The following SUGCT variants were observed in gnomAD, a reference collection of about 807,000 sequenced individuals.
SUGCT encodes succinyl-CoA:glutarate CoA-transferase.
A neutral mutation model predicts 55.0 loss-of-function variants in SUGCT; 41 were observed. That is an observed-to-expected ratio of 0.74 (90% CI 0.58 to 0.97). The LOEUF is 0.97. Ranked by LOEUF, SUGCT falls within the 50% of genes least tolerant of loss-of-function variation. The pLI, the probability that SUGCT is intolerant of heterozygous loss-of-function variation, is 0.00. For missense variants in SUGCT, 568 were observed against 547.8 expected, an observed-to-expected ratio of 1.04 and a Z score of -0.37; for synonymous variants, 187 against 200.4, an observed-to-expected ratio of 0.93 and a Z score of 0.56.
chr7:40,734,266 T>G (rs1218603034), intron 12 of SUGCT, among the ~76,000 whole-genome samples: 1 of 152,230 alleles, frequency 6.6e-6, no homozygotes, highest in Non-Finnish European at 1.5e-5. Flanking sequence ...TTTTTTCTTA[T>G]GTCTGTGTTG....
intron 12 of SUGCT, among the ~76,000 whole-genome samples, chr7:40,675,727 C>T (rs900141657): frequency 6.6e-6 from 1 of 152,172 alleles, no homozygotes; most frequent in Non-Finnish European, 1.5e-5. Flanking sequence ...AACGGGGAGA[C>T]ATCCAATATG....
At chr7:40,285,117 T>C (rs1397678767) in intron 8 of SUGCT, among the ~76,000 whole-genome samples, 1 of 152,206 alleles carries the variant, frequency 6.6e-6, no homozygotes, top group Non-Finnish European at 1.5e-5. Context: ...AGAAATGTTT[T>C]ATGGTGATGT....
At chr7:40,234,735 C>A (rs1279718586) in intron 6 of SUGCT, among the ~76,000 whole-genome samples, 1 of 151,886 alleles carries the variant, frequency 6.6e-6, no homozygotes, top group African/African-American at 2.4e-5. Flanking sequence ...ATAGTGAAAT[C>A]CCATCCCTAC....
chr7:40,438,204 C>T (rs1415027479), intron 9 of SUGCT, among the ~76,000 whole-genome samples: 1 of 152,118 alleles, frequency 6.6e-6, no homozygotes, highest in Non-Finnish European at 1.5e-5. Flanking sequence ...CTTCTCAATT[C>T]CCCGCCTTCA....
At position 40,284,608 on chromosome 7, in the gene SUGCT, CA is replaced by C. The variant is rs35152488; in HGVS notation, c.720+9970del. Among the ~76,000 whole-genome samples the C allele has an allele frequency of 6.9e-3, 751 of 108,168 alleles. 2 individuals carry two copies. Among genetic ancestry groups the C allele is most frequent in the Non-Finnish European group, 8.7e-3 (440 of 50,790 alleles). 71.0% of individuals were successfully genotyped at this position (108,168 alleles called of 152,430 possible). A position where few individuals can be genotyped will look rare whatever the true frequency, so the allele number is the denominator to read the frequency against. ...GGATGACAGAGCAAGATTCCATTTC[CA>C]AAAAAAAAAAAAAAAAATGAGGTGA... On this transcript the variant is annotated intron_variant, in intron 8 of 13. Transcript: ENST00000335693.
the SUGCT span, among the ~76,000 whole-genome samples, chr7:40,976,921 G>T: frequency 6.6e-6 from 1 of 152,136 alleles, no homozygotes; most frequent in East Asian, 1.9e-4. Context: ...TCTTTCCTTG[G>T]TAGAAGGTAC....
chr7:40,325,123 C>T (rs980993308), intron 9 of SUGCT, among the ~76,000 whole-genome samples: 1 of 152,126 alleles, frequency 6.6e-6, no homozygotes, highest in African/African-American at 2.4e-5. Flanking sequence ...TGAAGATATG[C>T]AGTACTTTGC....
chr7:40,275,158 ACAT>A (rs1281314962), intron 8 of SUGCT, among the ~76,000 whole-genome samples: 1 of 152,192 alleles, frequency 6.6e-6, no homozygotes, highest in Non-Finnish European at 1.5e-5. Flanking sequence ...TGTAATGTAG[ACAT>A]CATTGTTGAA....
intron 9 of SUGCT, among the ~76,000 whole-genome samples, chr7:40,361,952 A>C (rs903373950): frequency 6.6e-6 from 1 of 152,060 alleles, no homozygotes; most frequent in Non-Finnish European, 1.5e-5. Context: ...AAATTTGAGA[A>C]GCACTGGCTT....
chr7:40,687,657 T>TA (rs941337492), intron 12 of SUGCT, among the ~76,000 whole-genome samples: 2 of 152,280 alleles, frequency 1.3e-5, no homozygotes, highest in South Asian at 2.1e-4. Context: ...ACAAACACCA[T>TA]ACCGTTATAG....
At chr7:40,525,250 T>TTA (rs1443274035) in intron 12 of SUGCT, among the ~76,000 whole-genome samples, 1 of 152,100 alleles carries the variant, frequency 6.6e-6, no homozygotes, top group Non-Finnish European at 1.5e-5. Flanking sequence ...TGAAGAAGAG[T>TTA]TACTGGAATG....
chr7:40,476,906 C>T (rs1790721871), intron 11 of SUGCT, among the ~76,000 whole-genome samples: 1 of 151,922 alleles, frequency 6.6e-6, no homozygotes, highest in Non-Finnish European at 1.5e-5. Flanking sequence ...AAGTGATTCT[C>T]CTGCCTCAGC....
chr7:40,513,214 TGTCTTATACCCTGTTA>T (rs1793035963), intron 12 of SUGCT, among the ~76,000 whole-genome samples: 1 of 152,190 alleles, frequency 6.6e-6, no homozygotes, highest in Non-Finnish European at 1.5e-5. Flanking sequence ...GTTCAACCTT[TGTCTTATACCCTGTTA>T]GTCAGAACTC....
chr7:40,605,096 C>T lies in SUGCT; in HGVS notation c.1089+108710C>T, dbSNP rs1361601746. Among the ~76,000 whole-genome samples, 4 of 152,330 alleles carry T rather than the reference C, an allele frequency of 2.6e-5. No homozygotes were observed. In the South Asian group the frequency reaches 6.2e-4, roughly 24 times the overall value. On this transcript the variant is annotated intron_variant, in intron 12 of 13. Coordinates refer to ENST00000335693, the MANE Select transcript of SUGCT (RefSeq NM_001193313.2). Reference sequence around the variant, plus strand: ...AAAGAATTTCAAGCTTTTGCTAACACGGGGGCAGATTTTCCTCTCAGGAGT... The same window carrying T: ...AAAGAATTTCAAGCTTTTGCTAACATGGGGGCAGATTTTCCTCTCAGGAGT...
At chr7:40,869,918 C>T in the SUGCT span, among the ~76,000 whole-genome samples, 4 of 152,110 alleles carry the variant, frequency 2.6e-5, no homozygotes, top group South Asian at 2.1e-4. Context: ...TGCAGTATAT[C>T]GTAACAGGAT....
chr7:41,022,516 T>A, the SUGCT span, among the ~76,000 whole-genome samples: 3 of 152,140 alleles, frequency 2.0e-5, no homozygotes, highest in African/African-American at 7.2e-5. Flanking sequence ...AGATTGATGG[T>A]GAGTAGAGGA....
chr7:40,193,280 GTTTTTTTTTTT>G (rs752659107), intron 5 of SUGCT, among the ~76,000 whole-genome samples: 2 of 87,144 alleles, frequency 2.3e-5, no homozygotes, highest in Non-Finnish European at 4.2e-5. Flanking sequence ...CAATTACTGT[GTTTTTTTTTTT>G]TTTTTTTTTT....
intron 12 of SUGCT, among the ~76,000 whole-genome samples, chr7:40,722,035 GA>G (rs764022919): frequency 8.6e-5 from 13 of 152,002 alleles, no homozygotes; most frequent in Non-Finnish European, 1.6e-4. Context: ...TAAATATGAG[GA>G]AAGCTGGCCT....
At chr7:40,958,272 A>G in the SUGCT span, among the ~76,000 whole-genome samples, 2 of 151,796 alleles carry the variant, frequency 1.3e-5, no homozygotes, top group Non-Finnish European at 2.9e-5. Flanking sequence ...GCTTAGTTTC[A>G]TTCTCCCTGT....
Sources: gnomAD v4.1 joint callset for allele counts (sites outside exome capture counted in the v4.1 genomes callset) on GRCh38, gnomAD v4.1.1 for gene constraint, MANE v1.5 for transcripts, NCBI Gene and HGNC (gene_info 2026-07-23, HGNC 2026-07-21) for gene names.